Variants in GLIS3 observed in about 807,000 individuals in gnomAD.
The protein encoded by GLIS3 is GLIS family zinc finger 3, also known as zinc finger protein GLIS3.
A neutral mutation model predicts 78.6 loss-of-function variants in GLIS3; 53 were observed. The observed-to-expected ratio is 0.67, with a 90% CI of 0.54 to 0.85. GLIS3 has a LOEUF of 0.85. GLIS3 is among the 40% of genes least tolerant of loss of function. The pLI, the probability that GLIS3 is intolerant of heterozygous loss-of-function variation, is 0.00. For synonymous variants in GLIS3, 684 were observed against 509.9 expected, an observed-to-expected ratio of 1.34 and a Z score of -4.60; for missense variants, 1,703 against 1,231.1, an observed-to-expected ratio of 1.38 and a Z score of -5.74.
intron 2 of GLIS3, among the ~76,000 whole-genome samples, chr9:4,234,027 G>C (rs11787544): frequency 0.12 from 18,622 of 152,206 alleles, 1,316 homozygotes; most frequent in African/African-American, 0.19. Context: ...TTGTAACACT[G>C]AAGAGAGTTA....
chr9:4,336,171 A>G (rs543616317), intron 2 of GLIS3, among the ~76,000 whole-genome samples: 7 of 152,208 alleles, frequency 4.6e-5, no homozygotes, highest in East Asian at 1.9e-4. Flanking sequence ...CCCACTGCCA[A>G]CTCTTCTCCC....
chr9:4,420,008 A>G, the GLIS3 span, among the ~76,000 whole-genome samples: 1 of 152,186 alleles, frequency 6.6e-6, no homozygotes, highest in African/African-American at 2.4e-5. Flanking sequence ...AGGGATCTGA[A>G]CAGAAATACA....
chr9:4,306,822 C>G (rs1347883611), intron 4 of GLIS3, among the ~76,000 whole-genome samples: 2 of 152,222 alleles, frequency 1.3e-5, no homozygotes, highest in African/African-American at 4.8e-5. Flanking sequence ...ATTTAAAACT[C>G]TAGCTATAGA....
intron 2 of GLIS3, among the ~76,000 whole-genome samples, chr9:4,147,815 CAAA>C (rs34155642): frequency 1.4e-5 from 2 of 140,416 alleles, no homozygotes; most frequent in African/African-American, 2.6e-5. Flanking sequence ...GAGTTCATAC[CAAA>C]AAAAAAAAAA....
At chr9:4,016,512 A>G (rs1822450072) in intron 4 of GLIS3, among the ~76,000 whole-genome samples, 1 of 152,200 alleles carries the variant, frequency 6.6e-6, no homozygotes, top group Admixed American at 6.5e-5. Flanking sequence ...AGAAATGCCA[A>G]TGGGGCATTT....
chr9:3,836,521 G>T (rs1818362465), intron 9 of GLIS3, among the ~76,000 whole-genome samples: 1 of 152,200 alleles, frequency 6.6e-6, no homozygotes, highest in Non-Finnish European at 1.5e-5. Flanking sequence ...TTTGCCTTCA[G>T]ATTTCTTCTT....
the GLIS3 span, among the ~76,000 whole-genome samples, chr9:4,382,072 A>G: frequency 6.6e-6 from 1 of 152,158 alleles, no homozygotes; most frequent in African/African-American, 2.4e-5. Context: ...TAATCTCGGA[A>G]TGTCACCCTT....
intron 4 of GLIS3, among the ~76,000 whole-genome samples, chr9:4,022,522 C>T (rs1822973936): frequency 6.6e-6 from 1 of 152,072 alleles, no homozygotes; most frequent in Non-Finnish European, 1.5e-5. Context: ...GTCCTGATTC[C>T]CTAAAAAGTT....
At chr9:3,979,932 G>A (rs555846192) in intron 4 of GLIS3, among the ~76,000 whole-genome samples, 2 of 152,296 alleles carry the variant, frequency 1.3e-5, no homozygotes, top group South Asian at 4.1e-4. Context: ...AGCAGAATGG[G>A]TCAACGTAAG....
At chr9:3,871,810 C>G (rs971632904) in intron 8 of GLIS3, among the ~76,000 whole-genome samples, 4 of 152,208 alleles carry the variant, frequency 2.6e-5, no homozygotes, top group African/African-American at 9.7e-5. Flanking sequence ...TCCCCATTGT[C>G]TTGGGAATTA....
the GLIS3 span, among the ~76,000 whole-genome samples, chr9:4,414,634 G>C: frequency 6.6e-6 from 1 of 151,980 alleles, no homozygotes; most frequent in Non-Finnish European, 1.5e-5. Context: ...GGGTAACAAG[G>C]ATTCATTGCT....
chr9:4,013,910 C>T (rs573654632), intron 4 of GLIS3, among the ~76,000 whole-genome samples: 26 of 152,156 alleles, frequency 1.7e-4, no homozygotes, highest in Non-Finnish European at 2.9e-4. Flanking sequence ...CCTTCATGTA[C>T]AGTTGGGCAG....
At chr9:4,395,525 C>T in the GLIS3 span, among the ~76,000 whole-genome samples, 1 of 152,136 alleles carries the variant, frequency 6.6e-6, no homozygotes, top group Non-Finnish European at 1.5e-5. Context: ...GAATCTCCTG[C>T]AACTCCTGAG....
chr9:4,117,989 C>A lies in GLIS3; in HGVS notation c.1489G>T (p.Gly497Trp), dbSNP rs769890708. The A allele has an allele frequency of 1.8e-5, 29 of 1,611,490 alleles. No individual in the cohort carries two copies. Among genetic ancestry groups the A allele is most frequent in the Non-Finnish European group, 2.5e-5 (29 of 1,179,152 alleles). The change falls in exon 4 of 11, where the codon GGG becomes TGG. Residue 497 changes from glycine (G) to tryptophan (W), a missense_variant. Physicochemically the swap from Gly to Trp is radical, Grantham distance 184 (BLOSUM62 -2). Transcript: ENST00000381971. ...ATCCAGCGGCAGCAATGCTTGCCCCCGATGCCGTCCATCTCCCCGTCGTCG... is the reference window on the plus strand; with the variant it reads ...ATCCAGCGGCAGCAATGCTTGCCCCAGATGCCGTCCATCTCCCCGTCGTCG... ...LDDDGEMDGI[G>W]GKHCCRWIDC...
At chr9:4,413,687 G>A in the GLIS3 span, among the ~76,000 whole-genome samples, 30 of 152,134 alleles carry the variant, frequency 2.0e-4, no homozygotes, top group Middle Eastern at 6.8e-3. Context: ...CCACCCAGAC[G>A]TTGCATGGCT....
At chr9:3,861,492 T>C (rs751603503) in intron 8 of GLIS3, among the ~76,000 whole-genome samples, 2 of 151,892 alleles carry the variant, frequency 1.3e-5, no homozygotes, top group Non-Finnish European at 2.9e-5. Context: ...CATGTGTACG[T>C]TCATTGCAGC....
At chr9:4,033,527 G>A (rs1588497866) in intron 4 of GLIS3, among the ~76,000 whole-genome samples, 1 of 152,112 alleles carries the variant, frequency 6.6e-6, no homozygotes. Flanking sequence ...AGAAGATGGA[G>A]AAGGGCCAGA....
At chr9:3,842,628 C>A (rs972164147) in intron 9 of GLIS3, among the ~76,000 whole-genome samples, 4 of 152,110 alleles carry the variant, frequency 2.6e-5, no homozygotes, top group African/African-American at 9.7e-5. Context: ...ATGATTCTTA[C>A]CAGGGTTGGG....
the GLIS3 span, among the ~76,000 whole-genome samples, chr9:4,369,445 G>C: frequency 6.6e-6 from 1 of 152,198 alleles, no homozygotes; most frequent in African/African-American, 2.4e-5. Context: ...ACTGCTCCAA[G>C]GGTAGGTTTC....
Sources: allele counts gnomAD v4.1 joint callset (sites outside exome capture counted in the v4.1 genomes callset), GRCh38; gene constraint gnomAD v4.1.1; transcripts MANE v1.5; gene names NCBI Gene and HGNC (gene_info 2026-07-23, HGNC 2026-07-21).